WDR44: variants seen among roughly 807,000 people sequenced by gnomAD.
The protein encoded by WDR44 is WD repeat-containing protein 44.
A neutral mutation model predicts 65.7 loss-of-function variants in WDR44; 9 were observed. The observed-to-expected ratio is 0.14, with a 90% confidence interval of 0.08 to 0.24. The LOEUF is 0.24. WDR44 is among the 10% of genes least tolerant of loss of function. The pLI is 1.00. For synonymous variants in WDR44, 220 were observed against 235.2 expected, an observed-to-expected ratio of 0.94 and a Z score of 0.59; for missense variants, 425 against 670.9, an observed-to-expected ratio of 0.63 and a Z score of 4.05.
At chrX:118,369,235 T>A (rs1443587633) in intron 1 of WDR44, among the ~76,000 whole-genome samples, 2 of 105,648 alleles carry the variant, frequency 1.9e-5, no homozygotes, top group Non-Finnish European at 3.9e-5. Context: ...GCAGTGGCCC[T>A]ATCTCGGCTC....
At chrX:118,348,892 G>A (rs1022213176) in intron 1 of WDR44, among the ~76,000 whole-genome samples, 4 of 112,357 alleles carry the variant, frequency 3.6e-5, no homozygotes, top group African/African-American at 1.3e-4. Context: ...TTGCTGTTGT[G>A]TGTTTGGGAG....
At chrX:118,441,942 G>A (rs5957000) in intron 15 of WDR44, among the ~76,000 whole-genome samples, 46,991 of 110,092 alleles carry the variant, frequency 0.43, 10,313 homozygotes, top group African/African-American at 0.84. Flanking sequence ...GGATTTCAAC[G>A]TGTTGGCCAG....
chrX:118,412,617 G>A (rs926238259), intron 12 of WDR44, among the ~76,000 whole-genome samples: 6 of 111,778 alleles, frequency 5.4e-5, no homozygotes, highest in Admixed American at 9.5e-5. Flanking sequence ...TGACTGACTA[G>A]CTGGGGTAGT....
chrX:118,419,670 G>A (rs1000106684), intron 12 of WDR44, among the ~76,000 whole-genome samples: 3 of 111,915 alleles, frequency 2.7e-5, no homozygotes, highest in African/African-American at 9.8e-5. Flanking sequence ...GTCCATCTGA[G>A]TAGGAGCTGC....
intron 1 of WDR44, among the ~76,000 whole-genome samples, chrX:118,352,471 G>C (rs1307045448): frequency 2.0e-5 from 2 of 98,689 alleles, no homozygotes; most frequent in Non-Finnish European, 4.1e-5. Context: ...TGAGATTACA[G>C]GTATGCACCA....
chrX:118,435,786 TCTTTA>T (rs1411322280), intron 13 of WDR44, among the ~76,000 whole-genome samples: 1 of 112,891 alleles, frequency 8.9e-6, no homozygotes, highest in Non-Finnish European at 1.9e-5. Flanking sequence ...GTTTTTTAAT[TCTTTA>T]CTTTTAATCA....
At chrX:118,406,042 A>G (rs5956972) in intron 9 of WDR44, among the ~76,000 whole-genome samples, 47,729 of 110,071 alleles carry the variant, frequency 0.43, 10,817 homozygotes, top group African/African-American at 0.86. Flanking sequence ...TCAGAAGGCC[A>G]AGGAGCAGGA....
chrX:118,348,491 T>G (rs1184868931), intron 1 of WDR44, among the ~76,000 whole-genome samples: 1 of 111,437 alleles, frequency 9.0e-6, no homozygotes, highest in Admixed American at 9.5e-5. Flanking sequence ...AATTACTAAG[T>G]GTGTTGAGTT....
rs1012756592 is a variant in WDR44 at position 118,412,902 on chromosome X, G to A, written c.1737+1943G>A. 3.6e-5 allele frequency among the ~76,000 whole-genome samples: 4 copies of A among 110,999 alleles called. No individual in the cohort carries two copies. In the Admixed American group the frequency reaches 3.8e-4, roughly 11 times the overall value. ...CATTGTATCATTCTTACATCTTTGC[G>A]TCCTCATAGTTTAGCTCCCACATAT... On this transcript the variant is annotated intron_variant, in intron 12 of 19. Coordinates refer to ENST00000254029, the MANE Select transcript of WDR44 (RefSeq NM_019045.5).
intron 1 of WDR44, among the ~76,000 whole-genome samples, chrX:118,368,168 A>G (rs1008478598): frequency 2.7e-5 from 3 of 110,585 alleles, no homozygotes; most frequent in Non-Finnish European, 5.7e-5. Flanking sequence ...TTTTTGCTTC[A>G]GTTGTATTGA....
chrX:118,402,067 A>G (rs2056922016), intron 8 of WDR44, among the ~76,000 whole-genome samples: 2 of 108,908 alleles, frequency 1.8e-5, no homozygotes, highest in South Asian at 7.8e-4. Context: ...TCTTTATATC[A>G]GCACTAATAA....
intron 14 of WDR44, among the ~76,000 whole-genome samples, chrX:118,438,030 TAA>T (rs775585860): frequency 2.3e-5 from 2 of 86,839 alleles, no homozygotes; most frequent in Non-Finnish European, 2.3e-5. Context: ...TGTCTCAAAA[TAA>T]AAAAAAAAAA....
intron 19 of WDR44, among the ~76,000 whole-genome samples, chrX:118,447,889 TA>T (rs2057359968): frequency 1.1e-5 from 1 of 94,157 alleles, no homozygotes; most frequent in African/African-American, 3.9e-5. Context: ...TATATATATA[TA>T]TATATATATA....
intron 8 of WDR44, among the ~76,000 whole-genome samples, chrX:118,400,080 C>A (rs2056898019): frequency 9.6e-6 from 1 of 104,303 alleles, no homozygotes; most frequent in South Asian, 4.2e-4. Flanking sequence ...AGAGCAAGAC[C>A]TTGTCCCCCA....
intron 12 of WDR44, among the ~76,000 whole-genome samples, chrX:118,423,618 A>C (rs1469065336): frequency 1.8e-5 from 2 of 112,333 alleles, no homozygotes; most frequent in African/African-American, 6.5e-5. Flanking sequence ...AGCATCACCT[A>C]TAAAAGTTTA....
intron 1 of WDR44, among the ~76,000 whole-genome samples, chrX:118,360,994 C>T (rs1380496752): frequency 9.0e-6 from 1 of 111,182 alleles, no homozygotes; most frequent in Non-Finnish European, 1.9e-5. Flanking sequence ...CAGAGCCAAC[C>T]ACCTTTTTTT....
Position 118,348,695 on chromosome X carries a change from G to T in WDR44, c.77+2115G>T, listed in dbSNP as rs145628152. 4.7e-3 allele frequency among the ~76,000 whole-genome samples: 530 copies of T among 111,892 alleles called. 3 individuals are homozygous for T. Among genetic ancestry groups the T allele is most frequent in the African/African-American group, 0.017 (509 of 30,824 alleles). On this transcript the variant is annotated intron_variant, in intron 1 of 19. Coordinates refer to ENST00000254029, the MANE Select transcript of WDR44 (RefSeq NM_019045.5). ...GGTTGTATCATTTGCATAAGACACC[G>T]TGAGGAGATCTGGGTGGGCAACTTA...
At chrX:118,415,568 A>G (rs1378149173) in intron 12 of WDR44, among the ~76,000 whole-genome samples, 2 of 111,708 alleles carry the variant, frequency 1.8e-5, no homozygotes, top group Non-Finnish European at 3.8e-5. Context: ...CAGTGGCGCA[A>G]TCTCAGCTCA....
At chrX:118,436,544 G>A (rs1276908810) in intron 13 of WDR44, 158 bp from the exon 14 acceptor site, 1 of 655,887 alleles carries the variant, frequency 1.5e-6, no homozygotes, top group East Asian at 3.4e-5. Flanking sequence ...GGGAAAATAG[G>A]ATCTTCCAAG....
Sources: allele counts gnomAD v4.1 joint callset (sites outside exome capture counted in the v4.1 genomes callset), GRCh38; gene constraint gnomAD v4.1.1; transcripts MANE v1.5; gene names NCBI Gene and HGNC (gene_info 2026-07-23, HGNC 2026-07-21).